ANKS1B: variants seen among roughly 807,000 people sequenced by gnomAD.
The protein encoded by ANKS1B is ankyrin repeat and sterile alpha motif domain containing 1B.
Under a neutral mutation model 148.3 loss-of-function variants are expected in ANKS1B, and 36 were observed. The ratio of observed to expected loss-of-function variants is 0.24; its 90% CI spans 0.19 to 0.32. The LOEUF (loss-of-function observed/expected upper bound fraction) is 0.32, where lower values mean the gene tolerates loss of function less well. Among genes scored for constraint, ANKS1B ranks in the 10% least tolerant of loss-of-function variants. ANKS1B has a pLI of 1.00. For synonymous variants in ANKS1B, 542 were observed against 560.8 expected, an observed-to-expected ratio of 0.97 and a Z score of 0.47; for missense variants, 1,157 against 1,542.6, an observed-to-expected ratio of 0.75 and a Z score of 4.19.
intron 15 of ANKS1B, among the ~76,000 whole-genome samples, chr12:99,139,358 C>T (rs371466429): frequency 0.73 from 182 of 250 alleles, 58 homozygotes; most frequent in Admixed American, 0.83. Flanking sequence ...TCCCTCCCTC[C>T]CTCCCTCCCT....
chr12:99,775,421 C>T, intron 7 of ANKS1B, 127 bp downstream of exon 7: 1 of 510,818 alleles, frequency 2.0e-6, no homozygotes, highest in Non-Finnish European at 3.5e-6. Flanking sequence ...AAGCCCTAAT[C>T]AGTAACAGGA....
At chr12:99,198,991 G>C (rs149237410) in intron 14 of ANKS1B, among the ~76,000 whole-genome samples, 5 of 152,146 alleles carry the variant, frequency 3.3e-5, no homozygotes, top group African/African-American at 1.2e-4. Context: ...ACACTCGAGC[G>C]GTCCTGTGGA....
chr12:98,901,876 G>A (rs756487906), intron 17 of ANKS1B, among the ~76,000 whole-genome samples: 46 of 152,150 alleles, frequency 3.0e-4, no homozygotes, highest in Non-Finnish European at 5.9e-4. Context: ...TTATACTCAA[G>A]GCTTTTTTTT....
intron 17 of ANKS1B, among the ~76,000 whole-genome samples, chr12:99,035,789 C>T (rs1030747456): frequency 1.3e-5 from 2 of 152,084 alleles, no homozygotes; most frequent in Non-Finnish European, 2.9e-5. Flanking sequence ...AGATGATATC[C>T]AGGCTAGAAT....
intron 9 of ANKS1B, among the ~76,000 whole-genome samples, chr12:99,561,917 CAG>C (rs1311778122): frequency 6.6e-6 from 1 of 152,098 alleles, no homozygotes; most frequent in East Asian, 1.9e-4. Flanking sequence ...TTACCTTTCC[CAG>C]ATCCATCAAA....
chr12:98,940,173 C>A (rs773601447), intron 17 of ANKS1B, among the ~76,000 whole-genome samples: 11 of 152,186 alleles, frequency 7.2e-5, no homozygotes, highest in Non-Finnish European at 1.5e-4. Context: ...GGACCCACTC[C>A]AGGCAGGTGT....
intron 11 of ANKS1B, among the ~76,000 whole-genome samples, chr12:99,427,950 C>T (rs2095293081): frequency 6.6e-6 from 1 of 152,128 alleles, no homozygotes; most frequent in Non-Finnish European, 1.5e-5. Flanking sequence ...TGCATGTTGG[C>T]ATTGCTGGTG....
At chr12:98,854,916 T>C (rs1218194402) in intron 17 of ANKS1B, among the ~76,000 whole-genome samples, 2 of 152,074 alleles carry the variant, frequency 1.3e-5, no homozygotes, top group African/African-American at 4.8e-5. Context: ...TCCCAGCACT[T>C]TGGGAGGCCG....
chr12:99,188,882 C>A (rs2080255895), intron 14 of ANKS1B, among the ~76,000 whole-genome samples: 1 of 152,108 alleles, frequency 6.6e-6, no homozygotes, highest in African/African-American at 2.4e-5. Context: ...ACGAAATACC[C>A]TTCGAAAAAT....
At chr12:99,847,469 C>T (rs1012205855) in intron 1 of ANKS1B, among the ~76,000 whole-genome samples, 6 of 152,132 alleles carry the variant, frequency 3.9e-5, no homozygotes, top group African/African-American at 1.4e-4. Flanking sequence ...GGTCATAAGA[C>T]CCTCATTCTA....
chr12:99,600,523 C>A (rs564880510), intron 9 of ANKS1B, among the ~76,000 whole-genome samples: 11 of 152,156 alleles, frequency 7.2e-5, no homozygotes, highest in African/African-American at 2.6e-4. Flanking sequence ...TACAGGAAGA[C>A]TGCAGAGCCT....
intron 8 of ANKS1B, among the ~76,000 whole-genome samples, chr12:99,757,979 C>A (rs1269747559): frequency 2.0e-5 from 3 of 151,740 alleles, no homozygotes; most frequent in African/African-American, 7.3e-5. Context: ...GAAAAACAAC[C>A]AATGGGTACT....
intron 21 of ANKS1B, 89 bp downstream of exon 21, chr12:98,800,908 T>C (rs2098999728): frequency 1.8e-5 from 25 of 1,425,592 alleles, no homozygotes; most frequent in Non-Finnish European, 2.4e-5. Flanking sequence ...TATGGATATT[T>C]TGGTATATTT....
chr12:98,878,599 G>C (rs555573625), intron 17 of ANKS1B, among the ~76,000 whole-genome samples: 1 of 152,262 alleles, frequency 6.6e-6, no homozygotes, highest in African/African-American at 2.4e-5. Context: ...GGTAATAAAC[G>C]TGTGGGGAAG....
At chr12:98,814,333 G>A (rs1314331164) in intron 19 of ANKS1B, among the ~76,000 whole-genome samples, 2 of 152,168 alleles carry the variant, frequency 1.3e-5, no homozygotes, top group Non-Finnish European at 1.5e-5. Context: ...CATTTTTACC[G>A]AATGAATGGA....
chr12:99,780,130 T>C (rs1213366549), intron 5 of ANKS1B, among the ~76,000 whole-genome samples, 158 bp from the exon 6 acceptor site: 1 of 150,628 alleles, frequency 6.6e-6, no homozygotes, highest in East Asian at 1.9e-4. Flanking sequence ...CACACACACA[T>C]GCGCACACAC....
At chr12:99,011,478 T>C (rs2099939384) in intron 17 of ANKS1B, among the ~76,000 whole-genome samples, 1 of 152,194 alleles carries the variant, frequency 6.6e-6, no homozygotes, top group Non-Finnish European at 1.5e-5. Flanking sequence ...CAATTGATTC[T>C]AGGGTTTCAA....
At chr12:99,848,082 C>T (rs781319982) in intron 1 of ANKS1B, among the ~76,000 whole-genome samples, 34 of 152,020 alleles carry the variant, frequency 2.2e-4, no homozygotes, top group Non-Finnish European at 4.1e-4. Context: ...GTCTGGCCAT[C>T]AATCAGTGCA....
rs186677453 is a variant in ANKS1B, at chr12:99,426,949, A to G, written c.1575+16724T>C. Among the ~76,000 whole-genome samples the G allele has an allele frequency of 9.8e-5, 15 of 152,304 alleles. No individual in the cohort carries two copies. The East Asian group carries it at 2.5e-3, about 25-fold the overall frequency. On this transcript the variant is annotated intron_variant, in intron 11 of 26. Coordinates refer to ENST00000683438, the MANE Select transcript of ANKS1B (RefSeq NM_001352186.2). ...GATTTTTCACAGTGACTCAAGCCATAAATCTGGACATGCTTGATTCGTAAC... is the reference window on the plus strand; with the variant it reads ...GATTTTTCACAGTGACTCAAGCCATGAATCTGGACATGCTTGATTCGTAAC...
Sources: allele counts gnomAD v4.1 joint callset (sites outside exome capture counted in the v4.1 genomes callset), GRCh38; gene constraint gnomAD v4.1.1; transcripts MANE v1.5; gene names NCBI Gene and HGNC (gene_info 2026-07-23, HGNC 2026-07-21).